Variants in UTP18 observed in about 807,000 individuals in gnomAD.
UTP18 encodes the protein UTP18 small subunit processome component.
In UTP18, 36 loss-of-function variants were observed where a neutral mutation model predicts 61.1. That is an observed-to-expected ratio of 0.59 (90% CI 0.45 to 0.78). The LOEUF (loss-of-function observed/expected upper bound fraction) is 0.78, where lower values mean the gene tolerates loss of function less well. Among genes scored for constraint, UTP18 ranks in the 30% least tolerant of loss-of-function variants. The pLI, the probability that UTP18 is intolerant of heterozygous loss-of-function variation, is 0.00. For synonymous variants in UTP18, 282 were observed against 251.1 expected, an observed-to-expected ratio of 1.12 and a Z score of -1.16; for missense variants, 753 against 693.9, an observed-to-expected ratio of 1.09 and a Z score of -0.96.
chr17:51,264,273 C>T (rs905548534), intron 2 of UTP18, among the ~76,000 whole-genome samples: 2 of 151,958 alleles, frequency 1.3e-5, no homozygotes, highest in South Asian at 2.1e-4. Flanking sequence ...TCTTGAACTC[C>T]TGACCTCAAG....
chr17:51,281,355 C>T (rs1398560486), intron 9 of UTP18, among the ~76,000 whole-genome samples: 2 of 151,884 alleles, frequency 1.3e-5, no homozygotes, highest in African/African-American at 4.8e-5. Context: ...AAAGATTATT[C>T]AGGGGTAAAT....
In UTP18 at chr17:51,288,194, A is replaced by C; in HGVS notation, c.1494A>C (p.Ala498=). The change falls in exon 11 of 14, where the codon GCA becomes GCC. Residue 498 remains alanine (A), a synonymous_variant. Coordinates refer to ENST00000225298, the MANE Select transcript of UTP18 (RefSeq NM_016001.3). ...LAIASEKMKE[A]VRLVHLPSCT... is the part of the protein sequence containing the mutation. The stretch of plus-strand genomic sequence containing the variant: ...TTGCTTCAGAAAAAATGAAAGAAGC[A>C]GTCAGATTGGTAAATATTTCATTAC... 6.3e-7 allele frequency: 1 copy of C among 1,585,032 alleles called. No homozygotes were observed. Among genetic ancestry groups the C allele is most frequent in the East Asian group, 2.3e-5 (1 of 44,410 alleles).
chr17:51,277,337 A>G (rs775825996), intron 7 of UTP18, 33 bp downstream of exon 7: 1 of 1,608,286 alleles, frequency 6.2e-7, no homozygotes, highest in Non-Finnish European at 8.5e-7. Context: ...ACAACCAGTC[A>G]TTCCCCCCAA....
At chr17:51,261,988 A>G (rs1490440119) in intron 1 of UTP18, among the ~76,000 whole-genome samples, 3 of 152,196 alleles carry the variant, frequency 2.0e-5, no homozygotes, top group Admixed American at 1.3e-4. Context: ...TTTGAAGGCT[A>G]TTAGACTAGT....
At chr17:51,292,455 T>TA (rs1905262690) in intron 11 of UTP18, among the ~76,000 whole-genome samples, 1 of 152,230 alleles carries the variant, frequency 6.6e-6, no homozygotes, top group Admixed American at 6.5e-5. Flanking sequence ...AAATGGTCAG[T>TA]AAGTATGTAT....
At chr17:51,293,754 C>T in intron 11 of UTP18, 149 bp from the exon 12 acceptor site, 1 of 512,812 alleles carries the variant, frequency 2.0e-6, no homozygotes. Flanking sequence ...AATTTTGGAA[C>T]ACTTTGCTGC....
At chr17:51,294,902 G>A (rs1392409373) in intron 12 of UTP18, among the ~76,000 whole-genome samples, 1 of 152,120 alleles carries the variant, frequency 6.6e-6, no homozygotes, top group Non-Finnish European at 1.5e-5. Flanking sequence ...ATTCTAACTG[G>A]TGTGTGATGG....
At position 51,280,450 on chromosome 17, in the gene UTP18, C is replaced by G. The variant is rs1281254136; in HGVS notation, c.1175C>G (p.Ser392Ter). Residue 392 changes from serine to a stop codon, truncating the protein, a stop_gained, in exon 9 of 14, where the codon TCA (serine) becomes TGA (stop). Transcript: ENST00000225298. LOFTEE classifies it high-confidence loss of function. ...NGRVAASTFSSDSKKVYASSG... is the reference protein window; with the variant it reads ...NGRVAASTFS Reference sequence around the variant, plus strand: ...AGGGTTGCAGCATCCACATTCTCTTCAGATAGTAAGAAAGTATACGCCTCT... The same window carrying G: ...AGGGTTGCAGCATCCACATTCTCTTGAGATAGTAAGAAAGTATACGCCTCT... The G allele has an allele frequency of 1.2e-6, 2 of 1,614,038 alleles. No homozygotes were observed. Among genetic ancestry groups the G allele is most frequent in the East Asian group, 4.5e-5 (2 of 44,890 alleles).
intron 11 of UTP18, among the ~76,000 whole-genome samples, chr17:51,290,066 G>C (rs927295702): frequency 6.6e-6 from 1 of 152,150 alleles, no homozygotes; most frequent in Non-Finnish European, 1.5e-5. Context: ...ATGTAGAGCA[G>C]TGTCATTGTT....
chr17:51,290,497 T>C (rs922856906), intron 11 of UTP18, among the ~76,000 whole-genome samples: 3 of 152,148 alleles, frequency 2.0e-5, no homozygotes, highest in African/African-American at 7.2e-5. Flanking sequence ...TGCTATGCTG[T>C]TGAATGAATC....
At chr17:51,278,743 A>C (rs1904812480) in intron 7 of UTP18, among the ~76,000 whole-genome samples, 1 of 152,208 alleles carries the variant, frequency 6.6e-6, no homozygotes. Context: ...TTATGTTTGG[A>C]ACTACTTCAG....
In UTP18 at chr17:51,280,410, A is replaced by G. The variant is rs1053777179; in HGVS notation, c.1135A>G (p.Met379Val). 6.2e-7 allele frequency: 1 copy of G among 1,614,088 alleles called. No individual in the cohort carries two copies. The highest frequency in any genetic ancestry group is 2.2e-5 in the East Asian group (1 of 44,898). Residue 379 changes from methionine to valine, a missense_variant, in exon 9 of 14, where the codon ATG becomes GTG. By Grantham distance (21) the Met-to-Val change is conservative (BLOSUM62 1). Transcript: ENST00000225298. The part of the protein sequence containing the change: ...AMKTKELIGS[M>V]KINGRVAAST... ...TTAGACCAAAGAACTGATTGGAAGC[A>G]TGAAAATTAATGGAAGGGTTGCAGC... is the stretch of plus-strand genomic sequence containing the variant.
chr17:51,270,403 A>G (rs1182007642), intron 4 of UTP18, among the ~76,000 whole-genome samples: 2 of 152,200 alleles, frequency 1.3e-5, no homozygotes, highest in African/African-American at 2.4e-5. Context: ...TGGATGAAAC[A>G]TAATTTTATT....
chr17:51,277,955 G>A (rs923879813), intron 7 of UTP18, among the ~76,000 whole-genome samples: 1 of 152,184 alleles, frequency 6.6e-6, no homozygotes, highest in African/African-American at 2.4e-5. Context: ...TCAGGAGGTA[G>A]TGTTGGCGTA....
At chr17:51,269,594 T>C (rs1463066698) in intron 4 of UTP18, among the ~76,000 whole-genome samples, 2 of 152,112 alleles carry the variant, frequency 1.3e-5, no homozygotes, top group African/African-American at 4.8e-5. Flanking sequence ...GACCACCTCC[T>C]TTGTCCCCTT....
chr17:51,286,638 G>T, intron 10 of UTP18: 1 of 452,144 alleles, frequency 2.2e-6, no homozygotes, highest in Non-Finnish European at 4.4e-6. Context: ...GAGGGAGAGT[G>T]CCCTGATGAA....
At chr17:51,278,908 G>A (rs539122571) in intron 7 of UTP18, among the ~76,000 whole-genome samples, 2 of 152,082 alleles carry the variant, frequency 1.3e-5, no homozygotes, top group African/African-American at 4.8e-5. Context: ...ATAATATTGG[G>A]GAGCATGAGT....
At chr17:51,262,513 C>T (rs747731448) in intron 1 of UTP18, among the ~76,000 whole-genome samples, 9 of 152,038 alleles carry the variant, frequency 5.9e-5, no homozygotes, top group Non-Finnish European at 8.8e-5. Flanking sequence ...TGGAGTGTAG[C>T]GGCACCTATT....
rs368023707 is a variant in UTP18, at chr17:51,263,295, G to C, written c.364G>C (p.Gly122Arg). 6.9e-5 allele frequency: 111 copies of C among 1,614,114 alleles called. No individual in the cohort carries two copies. Among genetic ancestry groups the C allele is most frequent in the Non-Finnish European group, 9.2e-5 (109 of 1,180,014 alleles). ...GPRVQEHEDS[G>R]DSEVENEAKG... is the part of the protein sequence containing the mutation. ...GTAGGTTCAAGAACATGAAGACTCG[G>C]GTGACTCAGAAGTGGAGAATGAAGC... The change falls in exon 2 of 14, where the codon GGT (glycine) becomes CGT (arginine). Residue 122 changes from glycine to arginine, a missense_variant. Transcript: ENST00000225298.
Sources: gnomAD v4.1 joint callset for allele counts (sites outside exome capture counted in the v4.1 genomes callset) on GRCh38, gnomAD v4.1.1 for gene constraint, MANE v1.5 for transcripts, NCBI Gene and HGNC (gene_info 2026-07-23, HGNC 2026-07-21) for gene names.